USP16: variants seen among roughly 807,000 people sequenced by gnomAD.
USP16 encodes ubiquitin carboxyl-terminal hydrolase 16.
Under a neutral mutation model 95.9 loss-of-function variants are expected in USP16, and 77 were observed. That is an observed-to-expected ratio of 0.80 (90% CI 0.67 to 0.97). The LOEUF (loss-of-function observed/expected upper bound fraction) is 0.97, where lower values mean the gene tolerates loss of function less well. USP16 is among the 50% of genes least tolerant of loss of function. The pLI is 0.00. For missense variants in USP16, 943 were observed against 959.9 expected (o/e 0.98, Z 0.23); for synonymous variants, 303 against 318.2 (o/e 0.95, Z 0.51).
At chr21:29,047,563 T>TC (rs1280489968) in intron 14 of USP16, among the ~76,000 whole-genome samples, 5 of 152,136 alleles carry the variant, frequency 3.3e-5, no homozygotes, top group Non-Finnish European at 5.9e-5. Context: ...GGGTAAATTA[T>TC]CCCCTTGGAA....
chr21:29,043,171 G>A lies in USP16; in HGVS notation c.1180-252G>A, dbSNP rs188283353. The A allele has an allele frequency of 3.2e-4, 80 of 247,746 alleles. 1 individual carries two copies. Among genetic ancestry groups the A allele is most frequent in the Non-Finnish European group, 4.6e-4 (60 of 130,490 alleles). 15.3% of individuals were successfully genotyped at this position (247,746 alleles called of 1,614,324 possible). On this transcript the variant is annotated intron_variant, in intron 12 of 17. Transcript: ENST00000399976. Reference sequence around the variant, plus strand: ...ACACAGCATGTATCTAATAAATTTCGTTATATTTCTATTACACTTACATGT... The same window carrying A: ...ACACAGCATGTATCTAATAAATTTCATTATATTTCTATTACACTTACATGT...
At chr21:29,039,709 C>T (rs916976657) in intron 9 of USP16, 141 bp downstream of exon 9, 2 of 648,950 alleles carry the variant, frequency 3.1e-6, no homozygotes, top group Non-Finnish European at 5.0e-6. Context: ...CCAGCTTTTT[C>T]AACTAGTATG....
chr21:29,029,637 AT>A (rs1415474052), intron 2 of USP16, among the ~76,000 whole-genome samples: 1 of 152,126 alleles, frequency 6.6e-6, no homozygotes, highest in Non-Finnish European at 1.5e-5. Flanking sequence ...CTCTTTACTT[AT>A]CTTGGCCCCA....
chr21:29,025,835 A>G (rs532603798), intron 1 of USP16: 2 of 562,768 alleles, frequency 3.6e-6, no homozygotes, highest in East Asian at 2.9e-4. Flanking sequence ...ATGTACTAAC[A>G]TTATGCTAGA....
chr21:29,038,838 T>C (rs2085200967), intron 7 of USP16, among the ~76,000 whole-genome samples, 188 bp from the exon 8 acceptor site: 1 of 152,212 alleles, frequency 6.6e-6, no homozygotes, highest in Admixed American at 6.5e-5. Flanking sequence ...ACTAAAATAG[T>C]AGAGCTGAAT....
intron 4 of USP16, among the ~76,000 whole-genome samples, chr21:29,035,546 G>A (rs964876497): frequency 1.3e-5 from 2 of 151,570 alleles, no homozygotes. Flanking sequence ...GCTAATTTTT[G>A]TATTTTTAGT....
intron 12 of USP16, 62 bp downstream of exon 12, chr21:29,042,590 G>A: frequency 1.4e-6 from 2 of 1,461,322 alleles, no homozygotes; most frequent in Non-Finnish European, 1.9e-6. Context: ...TTTGTGGGGG[G>A]AAGCCTTGTT....
rs940513367 is a variant in USP16 at position 29,043,573 on chromosome 21, A to G, written c.1330A>G (p.Lys444Glu). 2 of 1,559,422 alleles carry G rather than the reference A, an allele frequency of 1.3e-6. No homozygotes were observed. The highest frequency in any genetic ancestry group is 1.7e-6 in the Non-Finnish European group (2 of 1,160,218). ...AAGTAAGCACTTACAGAAAAAAGCA[A>G]AGAAACAAGCCAAAAAGCAAGCCAA... is the stretch of plus-strand genomic sequence containing the variant. ...GTSKHLQKKA[K>E]KQAKKQAKNQ... The change falls in exon 13 of 18, where the codon AAG becomes GAG. Residue 444 changes from lysine (K) to glutamate (E), a missense_variant. Coordinates refer to ENST00000399976, the MANE Select transcript of USP16 (RefSeq NM_006447.3).
chr21:29,038,272 G>A, intron 6 of USP16, 63 bp from the exon 7 acceptor site: 1 of 1,061,220 alleles, frequency 9.4e-7, no homozygotes, highest in Non-Finnish European at 1.4e-6. Flanking sequence ...AGACACTTAA[G>A]AAGTGTCAGA....
chr21:29,024,923 C>G, intron 1 of USP16, 146 bp downstream of exon 1: 1 of 831,204 alleles, frequency 1.2e-6, no homozygotes, highest in Non-Finnish European at 1.6e-6. Context: ...GTACTGCGAT[C>G]TCATTGGCTG....
chr21:29,026,875 T>G (rs2085000312), intron 1 of USP16, among the ~76,000 whole-genome samples: 1 of 152,068 alleles, frequency 6.6e-6, no homozygotes. Context: ...GTTGTTGAGG[T>G]GTAATAGAAA....
chr21:29,050,191 G>A lies in USP16; in HGVS notation c.2193+13G>A, dbSNP rs1191537892. 6.2e-7 allele frequency: 1 copy of A among 1,609,278 alleles called. No homozygotes were observed. Among genetic ancestry groups the A allele is most frequent in the Non-Finnish European group, 8.5e-7 (1 of 1,178,672 alleles). On this transcript the variant is annotated intron_variant, in intron 16 of 17. Transcript: ENST00000399976. ...CCTTAAATGTAAGGTAAGTCAAAGT[G>A]GTCTTTTTCAGGAAAGTCCTTTAAA... is the stretch of plus-strand genomic sequence containing the variant.
Position 29,054,212 on chromosome 21 carries a change from A to C in USP16, c.*25A>C. The C allele has an allele frequency of 6.2e-7, 1 of 1,602,292 alleles. No homozygotes were observed. The highest frequency in any genetic ancestry group is 1.1e-5 in the South Asian group (1 of 89,402). Reference sequence around the variant, plus strand: ...ATAATATCAAAAGCACTTTTTCTGGAAACACATTTATGGCTTTTATAATGG... The same window carrying C: ...ATAATATCAAAAGCACTTTTTCTGGCAACACATTTATGGCTTTTATAATGG... On this transcript the variant is annotated 3_prime_UTR_variant, in exon 18 of 18. Transcript: ENST00000399976.
rs1156532955 is a variant in USP16, at chr21:29,053,920, A to C, written c.2312A>C (p.His771Pro). 5.0e-6 allele frequency: 8 copies of C among 1,614,264 alleles called. No homozygotes were observed. Among genetic ancestry groups the C allele is most frequent in the Non-Finnish European group, 5.9e-6 (7 of 1,180,042 alleles). ...GCCAAGGCAAGAACCGCAAATAGTC[A>C]TCTCTCTAATCTTGTTCTTCACGGT... ...AYAKARTANS[H>P]LSNLVLHGDI... is the part of the protein sequence containing the mutation. The change falls in exon 17 of 18, where the codon CAT (histidine) becomes CCT (proline). Residue 771 changes from histidine (H) to proline (P), a missense_variant. Physicochemically the swap from His to Pro is moderately conservative, Grantham distance 77 (BLOSUM62 -2). Coordinates refer to ENST00000399976, the MANE Select transcript of USP16 (RefSeq NM_006447.3).
intron 15 of USP16, among the ~76,000 whole-genome samples, 189 bp downstream of exon 15, chr21:29,049,044 A>G (rs528878289): frequency 2.0e-4 from 30 of 152,310 alleles, no homozygotes; most frequent in Non-Finnish European, 3.5e-4. Flanking sequence ...ATGGAGGCAC[A>G]ATCTCCTCAG....
intron 5 of USP16, among the ~76,000 whole-genome samples, chr21:29,036,857 G>A (rs1188606786): frequency 6.6e-6 from 1 of 152,162 alleles, no homozygotes. Context: ...CTTTGTCAGA[G>A]CCAGAATTAT....
intron 16 of USP16, among the ~76,000 whole-genome samples, chr21:29,051,731 T>C (rs2085417406): frequency 6.6e-6 from 1 of 151,840 alleles, no homozygotes; most frequent in African/African-American, 2.4e-5. Context: ...CTCGGGAGGC[T>C]GAGGCAGGAG....
chr21:29,040,356 C>G (rs1352900808), intron 9 of USP16, among the ~76,000 whole-genome samples: 3 of 152,126 alleles, frequency 2.0e-5, no homozygotes, highest in Non-Finnish European at 2.9e-5. Context: ...TGGGCATGTT[C>G]TGAAAACCTT....
rs112895849 is a variant in USP16 at position 29,043,406 on chromosome 21, G to A, written c.1180-17G>A. 1,995 of 1,432,018 alleles carry A rather than the reference G, an allele frequency of 1.4e-3. 26 individuals are homozygous for A. In the African/African-American group the frequency reaches 0.026, roughly 19 times the overall value. The allele number at this position is 1,432,018 out of a possible 1,614,324, so 88.7% of individuals were successfully genotyped here. On this transcript the variant is annotated splice_polypyrimidine_tract_variant and intron_variant, in intron 12 of 17. Coordinates refer to ENST00000399976, the MANE Select transcript of USP16 (RefSeq NM_006447.3). ...TTGTAAAATTTTGTTTTTGACCTAT[G>A]TTATCTATATTTTAAGAGTGGTAAG...
Sources: gnomAD v4.1 joint callset for allele counts (sites outside exome capture counted in the v4.1 genomes callset) on GRCh38, gnomAD v4.1.1 for gene constraint, MANE v1.5 for transcripts, NCBI Gene and HGNC (gene_info 2026-07-23, HGNC 2026-07-21) for gene names.